The following NCOA6 variants were observed in gnomAD, a reference collection of about 807,000 sequenced individuals.
NCOA6 encodes the protein nuclear receptor coactivator 6, also known as NRC RAP250.
Under a neutral mutation model 171.4 loss-of-function variants are expected in NCOA6, and 49 were observed. The ratio of observed to expected loss-of-function variants is 0.29; its 90% CI spans 0.23 to 0.36. The LOEUF (loss-of-function observed/expected upper bound fraction) is 0.36, where lower values mean the gene tolerates loss of function less well. Ranked by LOEUF, NCOA6 falls within the 10% of genes least tolerant of loss-of-function variation. The pLI, the probability that NCOA6 is intolerant of heterozygous loss-of-function variation, is 1.00. For synonymous variants in NCOA6, 910 were observed against 927.5 expected, an observed-to-expected ratio of 0.98 and a Z score of 0.34; for missense variants, 2,248 against 2,554.5, an observed-to-expected ratio of 0.88 and a Z score of 2.59.
chr20:34,802,858 G>C (rs1436256231), intron 1 of NCOA6, among the ~76,000 whole-genome samples: 1 of 152,102 alleles, frequency 6.6e-6, no homozygotes, highest in Non-Finnish European at 1.5e-5. Flanking sequence ...CTGCTGCCCA[G>C]GCTAAAGGAC....
intron 3 of NCOA6, among the ~76,000 whole-genome samples, chr20:34,778,060 A>G (rs2077391793): frequency 6.6e-6 from 1 of 152,138 alleles, no homozygotes; most frequent in South Asian, 2.1e-4. Context: ...GCATGCCACC[A>G]CGCCCAGCTA....
intron 2 of NCOA6, among the ~76,000 whole-genome samples, chr20:34,785,497 C>G (rs1263947111): frequency 6.6e-6 from 1 of 150,936 alleles, no homozygotes; most frequent in Non-Finnish European, 1.5e-5. Context: ...ATTAATACCA[C>G]TGCCCTTATT....
chr20:34,766,636 A>G (rs939389010), intron 5 of NCOA6, among the ~76,000 whole-genome samples: 59 of 152,318 alleles, frequency 3.9e-4, no homozygotes, highest in African/African-American at 1.4e-3. Flanking sequence ...ATACTAGCCC[A>G]AGAGAGCTTT....
Position 34,742,594 on chromosome 20 carries a change from T to A in NCOA6, c.3662A>T (p.Tyr1221Phe). 1 of 1,614,104 alleles carries A rather than the reference T, an allele frequency of 6.2e-7. No homozygotes were observed. The highest frequency in any genetic ancestry group is 8.5e-7 in the Non-Finnish European group (1 of 1,180,018). Residue 1221 changes from tyrosine to phenylalanine, a missense_variant, in exon 11 of 15, where the codon TAT becomes TTT. Tyr to Phe is a conservative substitution (Grantham distance 22, BLOSUM62 3). Transcript: ENST00000359003. ...AGGGCGGTTGTTGGGTGTCTGAGGATAATAGGGTCTGGGGCTGGCTCTGTT... is the reference window on the plus strand; with the variant it reads ...AGGGCGGTTGTTGGGTGTCTGAGGAAAATAGGGTCTGGGGCTGGCTCTGTT... ...TPNRASPRPY[Y>F]PQTPNNRPPS...
chr20:34,770,573 C>T (rs1050409759), intron 4 of NCOA6, among the ~76,000 whole-genome samples: 7 of 151,660 alleles, frequency 4.6e-5, no homozygotes, highest in Admixed American at 2.6e-4. Flanking sequence ...GACATCAGTT[C>T]GTATCATTCC....
At chr20:34,806,898 C>T (rs2078469488) in intron 1 of NCOA6, among the ~76,000 whole-genome samples, 2 of 152,140 alleles carry the variant, frequency 1.3e-5, no homozygotes. Flanking sequence ...TTTTGTGGTG[C>T]CTGCCATACA....
intron 14 of NCOA6, among the ~76,000 whole-genome samples, chr20:34,719,046 A>G (rs1045260324): frequency 2.0e-5 from 3 of 152,216 alleles, no homozygotes; most frequent in Non-Finnish European, 4.4e-5. Flanking sequence ...CTTAGAACCA[A>G]CTGGGTGGTA....
At chr20:34,752,004 C>T (rs2076504209) in intron 8 of NCOA6, among the ~76,000 whole-genome samples, 1 of 152,082 alleles carries the variant, frequency 6.6e-6, no homozygotes, top group Non-Finnish European at 1.5e-5. Context: ...ACTAGAAGCG[C>T]ACAACAACAC....
At chr20:34,764,009 ATTTTTTT>A (rs11471838) in intron 5 of NCOA6, among the ~76,000 whole-genome samples, 2 of 107,266 alleles carry the variant, frequency 1.9e-5, no homozygotes, top group Non-Finnish European at 3.5e-5. Context: ...CACCTTTGAC[ATTTTTTT>A]TTTTTTTTTT....
Position 34,741,267 on chromosome 20 carries a change from T to C in NCOA6, c.4989A>G (p.Ser1663=). The change falls in exon 11 of 15, where the codon TCA becomes TCG. Residue 1663 remains serine, a synonymous_variant. Transcript: ENST00000359003. ...PQFITPVFIN[S]SSIIQVMKGS... ...CTTTCATAACCTGAATTATTGAGGA[T>C]GAATTGATAAAGACAGGTGTAATGA... The C allele has an allele frequency of 6.2e-7, 1 of 1,614,178 alleles. No homozygotes were observed. The highest frequency in any genetic ancestry group is 8.5e-7 in the Non-Finnish European group (1 of 1,180,030).
At chr20:34,810,801 C>T (rs2146611477) in intron 1 of NCOA6, among the ~76,000 whole-genome samples, 1 of 152,270 alleles carries the variant, frequency 6.6e-6, no homozygotes, top group East Asian at 1.9e-4. Flanking sequence ...ACCTTGGCCT[C>T]CCAAAGTGCT....
chr20:34,806,459 T>G (rs975449164), intron 1 of NCOA6, among the ~76,000 whole-genome samples: 2 of 152,228 alleles, frequency 1.3e-5, no homozygotes, highest in Admixed American at 6.5e-5. Context: ...TTTTAAGGTC[T>G]TATCTATAAA....
chr20:34,738,809 A>G (rs2076038691), intron 11 of NCOA6: 1 of 451,540 alleles, frequency 2.2e-6, no homozygotes, highest in African/African-American at 2.0e-5. Flanking sequence ...TAAGGAACGT[A>G]TCAACTGTAA....
intron 10 of NCOA6, among the ~76,000 whole-genome samples, chr20:34,744,532 A>G (rs2076246910): frequency 6.6e-6 from 1 of 152,184 alleles, no homozygotes; most frequent in African/African-American, 2.4e-5. Flanking sequence ...CAGTCAAAAG[A>G]AATGCTGACT....
At chr20:34,733,188 C>T (rs1223861005) in intron 12 of NCOA6, among the ~76,000 whole-genome samples, 2 of 152,218 alleles carry the variant, frequency 1.3e-5, no homozygotes, top group Non-Finnish European at 2.9e-5. Flanking sequence ...AATGAGCACA[C>T]TCTGGGTTTA....
chr20:34,714,998 A>G lies in NCOA6; in HGVS notation c.*324T>C. On this transcript the variant is annotated 3_prime_UTR_variant, in exon 15 of 15. Coordinates refer to ENST00000359003, the MANE Select transcript of NCOA6 (RefSeq NM_014071.5). ...ACACAGTACTTCCACGGCACAATAC[A>G]TCATTAGGAGATCTAAAAATGCTCA... The G allele has an allele frequency of 1.1e-5, 1 of 89,510 alleles. No individual in the cohort carries two copies. The allele number at this position is 89,510 out of a possible 1,614,324, so 5.5% of individuals were successfully genotyped here. A position where few individuals can be genotyped will look rare whatever the true frequency, so the allele number is the denominator to read the frequency against.
rs2078080480 is a variant in NCOA6, at chr20:34,796,512, C to G, written c.-163-3949G>C. Among the ~76,000 whole-genome samples the G allele has an allele frequency of 2.0e-5, 3 of 152,140 alleles. No homozygotes were observed. In the South Asian group the frequency reaches 6.2e-4, roughly 32 times the overall value. On this transcript the variant is annotated intron_variant, in intron 1 of 14. Coordinates refer to ENST00000359003, the MANE Select transcript of NCOA6 (RefSeq NM_014071.5). ...TAGTGTGTGCCTGTAGTCCCAGCTA[C>G]TCAGAAGGCTGAGGTGAGAGAATCA...
chr20:34,776,080 G>T (rs2077310719), intron 4 of NCOA6, among the ~76,000 whole-genome samples: 3 of 152,200 alleles, frequency 2.0e-5, no homozygotes, highest in Admixed American at 2.0e-4. Flanking sequence ...GGAGTCCAAG[G>T]CTACAGATGC....
intron 3 of NCOA6, chr20:34,776,780 A>G (rs1195727155): frequency 2.1e-6 from 1 of 482,816 alleles, no homozygotes; most frequent in African/African-American, 2.0e-5. Context: ...CAGGCAATGA[A>G]CGGAAAGCCG....
Sources: allele counts gnomAD v4.1 joint callset (sites outside exome capture counted in the v4.1 genomes callset), GRCh38; gene constraint gnomAD v4.1.1; transcripts MANE v1.5; gene names NCBI Gene and HGNC (gene_info 2026-07-23, HGNC 2026-07-21).